DAB1: variants seen among roughly 807,000 people sequenced by gnomAD.
The protein encoded by DAB1 is DAB adaptor protein 1, also known as disabled homolog 1.
DAB1 carries 15 observed loss-of-function variants against 64.6 expected under a neutral mutation model. The observed-to-expected ratio is 0.23, with a 90% CI of 0.16 to 0.36. The LOEUF is 0.36. Ranked by LOEUF, DAB1 falls within the 10% of genes least tolerant of loss-of-function variation. DAB1 has a pLI of 1.00. For synonymous variants in DAB1, 235 were observed against 251.9 expected, an observed-to-expected ratio of 0.93 and a Z score of 0.64; for missense variants, 596 against 706.7, an observed-to-expected ratio of 0.84 and a Z score of 1.78.
At chr1:57,858,166 G>A (rs1484483330) in intron 1 of DAB1, among the ~76,000 whole-genome samples, 2 of 152,160 alleles carry the variant, frequency 1.3e-5, no homozygotes, top group Middle Eastern at 3.2e-3. Flanking sequence ...TCACCCATTC[G>A]ATTCTAGTTG....
At chr1:58,531,842 G>A (rs1646439627) in intron 1 of DAB1, among the ~76,000 whole-genome samples, 1 of 151,946 alleles carries the variant, frequency 6.6e-6, no homozygotes, top group Non-Finnish European at 1.5e-5. Flanking sequence ...CCGAGTACCT[G>A]TGATTACAGG....
intron 1 of DAB1, among the ~76,000 whole-genome samples, chr1:57,852,196 A>T (rs190725719): frequency 6.6e-6 from 1 of 152,296 alleles, no homozygotes; most frequent in Non-Finnish European, 1.5e-5. Flanking sequence ...TCCTCATGTG[A>T]TAGGTGTCCT....
intron 4 of DAB1, among the ~76,000 whole-genome samples, chr1:57,120,138 A>T (rs1035743582): frequency 6.6e-6 from 1 of 152,210 alleles, no homozygotes; most frequent in East Asian, 1.9e-4. Context: ...GCTGGAGTTG[A>T]CAACACCTGG....
chr1:57,540,013 A>C lies in DAB1; in HGVS notation n.625+109579T>G, dbSNP rs149853142. On this transcript the variant is annotated intron_variant and non_coding_transcript_variant, in intron 7 of 20. Transcript: ENST00000485760. ...TGGCCGTGCAAAACCAGGAGGCCCA[A>C]AGTGTTGACAAGAATAAGTGGAATG... is the stretch of plus-strand genomic sequence containing the variant. Among the ~76,000 whole-genome samples, 658 of 152,336 alleles carry C rather than the reference A, an allele frequency of 4.3e-3. 3 individuals are homozygous for C. Among genetic ancestry groups the C allele is most frequent in the South Asian group, 0.012 (58 of 4,832 alleles).
intron 2 of DAB1, among the ~76,000 whole-genome samples, chr1:57,149,010 C>T (rs1659411052): frequency 6.6e-6 from 1 of 152,210 alleles, no homozygotes; most frequent in South Asian, 2.1e-4. Flanking sequence ...CCCTATCTTC[C>T]CATTCCCTCT....
intron 4 of DAB1, among the ~76,000 whole-genome samples, chr1:57,089,623 A>C (rs1653452237): frequency 6.6e-6 from 1 of 152,154 alleles, no homozygotes; most frequent in South Asian, 2.1e-4. Context: ...ATCTTGCAAG[A>C]AATTACTTAC....
At chr1:57,541,109 G>A (rs1194937057) in intron 7 of DAB1, among the ~76,000 whole-genome samples, 1 of 150,692 alleles carries the variant, frequency 6.6e-6, no homozygotes, top group Admixed American at 6.6e-5. Flanking sequence ...CAAACATTAT[G>A]TATCAAAAAA....
chr1:58,131,483 T>G (rs1335389294), intron 5 of DAB1, among the ~76,000 whole-genome samples: 29 of 142,960 alleles, frequency 2.0e-4, no homozygotes, highest in South Asian at 4.8e-4. Context: ...CCATCCAGCT[T>G]TGTTCCATTG....
chr1:58,497,278 C>G (rs144575076), intron 3 of DAB1, among the ~76,000 whole-genome samples: 2 of 151,994 alleles, frequency 1.3e-5, no homozygotes, highest in Non-Finnish European at 2.9e-5. Flanking sequence ...ACTTTAGGGA[C>G]GTAAGGACCA....
intron 4 of DAB1, among the ~76,000 whole-genome samples, chr1:58,164,266 A>C (rs1187867350): frequency 2.0e-5 from 3 of 151,768 alleles, no homozygotes; most frequent in Non-Finnish European, 2.9e-5. Flanking sequence ...TCTCATATTC[A>C]CTTTTAAGGC....
At chr1:57,830,579 C>T (rs775253142) in intron 1 of DAB1, among the ~76,000 whole-genome samples, 4 of 152,030 alleles carry the variant, frequency 2.6e-5, no homozygotes, top group Non-Finnish European at 5.9e-5. Flanking sequence ...TGTCTCCTTA[C>T]ACATGAAAAA....
chr1:57,440,657 T>A (rs1161195663), intron 7 of DAB1, among the ~76,000 whole-genome samples: 1 of 152,222 alleles, frequency 6.6e-6, no homozygotes, highest in Non-Finnish European at 1.5e-5. Context: ...ATAGCTCTTG[T>A]CTGCCTTCTT....
intron 1 of DAB1, among the ~76,000 whole-genome samples, chr1:57,422,965 G>C (rs906446582): frequency 1.3e-5 from 2 of 152,072 alleles, no homozygotes; most frequent in African/African-American, 4.8e-5. Flanking sequence ...GCGGAGGCAG[G>C]GTCCTGGCTG....
intron 7 of DAB1, among the ~76,000 whole-genome samples, chr1:57,641,489 T>G (rs947545631): frequency 3.9e-4 from 57 of 145,960 alleles, no homozygotes; most frequent in African/African-American, 1.3e-3. Context: ...GTTTACGCCA[T>G]TCTCCTGCCT....
chr1:58,281,251 T>C (rs571652735), intron 4 of DAB1, among the ~76,000 whole-genome samples: 3 of 152,230 alleles, frequency 2.0e-5, no homozygotes, highest in African/African-American at 7.2e-5. Flanking sequence ...TCTATTACCT[T>C]GATTTTCCTG....
intron 6 of DAB1, among the ~76,000 whole-genome samples, chr1:57,664,805 C>T (rs763031032): frequency 5.3e-5 from 8 of 151,830 alleles, no homozygotes; most frequent in Non-Finnish European, 1.2e-4. Flanking sequence ...GTTTTCTTAA[C>T]ATTTTAAGCA....
intron 4 of DAB1, among the ~76,000 whole-genome samples, chr1:57,132,631 C>T (rs1299082493): frequency 1.3e-5 from 2 of 152,090 alleles, no homozygotes; most frequent in South Asian, 2.1e-4. Context: ...AAATATAATA[C>T]GAATATTCCA....
intron 6 of DAB1, among the ~76,000 whole-genome samples, chr1:57,695,277 G>GGAGAGAGAAAGAAAGA: frequency 1.3e-5 from 1 of 74,808 alleles, no homozygotes; most frequent in African/African-American, 5.4e-5. Flanking sequence ...AGGAAGGAAG[G>GGAGAGAGAAAGAAAGA]AAGGAAGAAA....
chr1:57,071,651 A>G lies in DAB1; in HGVS notation c.439-10T>C. 6.2e-7 allele frequency: 1 copy of G among 1,612,276 alleles called. No individual in the cohort carries two copies. The highest frequency in any genetic ancestry group is 8.5e-7 in the Non-Finnish European group (1 of 1,179,704). ...GAATAACAGGTTCAGCCTGGGATGAAAGGTAGTAAGGCACATCATAAGGGA... is the reference window on the plus strand; with the variant it reads ...GAATAACAGGTTCAGCCTGGGATGAGAGGTAGTAAGGCACATCATAAGGGA... On this transcript the variant is annotated splice_polypyrimidine_tract_variant and intron_variant, in intron 5 of 14. Coordinates refer to ENST00000371236, the MANE Select transcript of DAB1 (RefSeq NM_001365792.1).
Sources: gnomAD v4.1 joint callset for allele counts (sites outside exome capture counted in the v4.1 genomes callset) on GRCh38, gnomAD v4.1.1 for gene constraint, MANE v1.5 for transcripts, NCBI Gene and HGNC (gene_info 2026-07-23, HGNC 2026-07-21) for gene names.